Variants in LHFPL3 observed in about 807,000 individuals in gnomAD.
LHFPL3 encodes the protein LHFPL tetraspan subfamily member 3 protein.
In LHFPL3, 5 loss-of-function variants were observed where a neutral mutation model predicts 19.3. The ratio of observed to expected loss-of-function variants is 0.26; its 90% CI spans 0.14 to 0.54. LHFPL3 has a LOEUF of 0.54. LHFPL3 is among the 20% of genes least tolerant of loss of function. The probability of loss-of-function intolerance (pLI) is 0.94; values close to 1 mark genes in which losing one functional copy is unlikely to be tolerated. For missense variants in LHFPL3, 249 were observed against 307.4 expected (o/e 0.81, Z 1.42); for synonymous variants, 133 against 126.2 (o/e 1.05, Z -0.36).
chr7:104,413,893 G>A (rs566343774), intron 1 of LHFPL3, among the ~76,000 whole-genome samples: 7 of 152,244 alleles, frequency 4.6e-5, no homozygotes, highest in African/African-American at 7.2e-5. Context: ...GTTTTTGCCA[G>A]GAACTCTTTT....
chr7:104,623,022 C>G (rs1231800381), intron 1 of LHFPL3: 5 of 378,104 alleles, frequency 1.3e-5, no homozygotes, highest in African/African-American at 1.0e-4. Context: ...TTGCATTTCC[C>G]TGATGGCTAA....
At chr7:104,550,324 T>G (rs1794643167) in intron 1 of LHFPL3, among the ~76,000 whole-genome samples, 11 of 151,874 alleles carry the variant, frequency 7.2e-5, no homozygotes, top group Admixed American at 7.2e-4. Context: ...CACATAAAGT[T>G]AACCATCACA....
chr7:104,633,816 C>G (rs185036768), intron 1 of LHFPL3, among the ~76,000 whole-genome samples: 10 of 152,306 alleles, frequency 6.6e-5, no homozygotes, highest in Admixed American at 5.2e-4. Flanking sequence ...AAAGTAACTA[C>G]TAACGTTGCC....
chr7:104,725,654 G>C (rs900201760), intron 1 of LHFPL3, among the ~76,000 whole-genome samples: 5 of 152,126 alleles, frequency 3.3e-5, no homozygotes, highest in African/African-American at 1.2e-4. Flanking sequence ...GTTATCACTA[G>C]ACAATGCCTT....
At chr7:104,833,357 TAATAGG>T (rs1392133166) in intron 2 of LHFPL3, among the ~76,000 whole-genome samples, 101 of 6,118 alleles carry the variant, frequency 0.017, no homozygotes, top group South Asian at 0.02. Flanking sequence ...ATTATATATA[TAATAGG>T]ATATATATAT....
At chr7:104,634,831 T>C (rs369742150) in intron 1 of LHFPL3, among the ~76,000 whole-genome samples, 1 of 152,128 alleles carries the variant, frequency 6.6e-6, no homozygotes, top group Admixed American at 6.5e-5. Context: ...ACTTCAATCA[T>C]TGGTGTCTCA....
In LHFPL3 at chr7:104,877,498, G is replaced by A. The variant is rs370962323; in HGVS notation, c.683-28689G>A. 6.3e-4 allele frequency among the ~76,000 whole-genome samples: 96 copies of A among 152,192 alleles called. 2 individuals carry two copies. The highest frequency in any genetic ancestry group is 2.2e-3 in the African/African-American group (92 of 41,510). On this transcript the variant is annotated intron_variant, in intron 2 of 2. Coordinates refer to ENST00000424859, the MANE Select transcript of LHFPL3 (RefSeq NM_199000.3). ...AATGATATAAAAAATATATACAGAT[G>A]TCCAATAAATACATGAAAAGATACT...
At chr7:104,436,743 A>G (rs184550439) in intron 1 of LHFPL3, among the ~76,000 whole-genome samples, 26 of 152,272 alleles carry the variant, frequency 1.7e-4, no homozygotes, top group Admixed American at 9.8e-4. Flanking sequence ...TGCATTATTT[A>G]CTCAAAGGAT....
chr7:104,717,881 A>T (rs1322352019), intron 1 of LHFPL3, among the ~76,000 whole-genome samples: 2 of 152,234 alleles, frequency 1.3e-5, no homozygotes, highest in East Asian at 3.8e-4. Context: ...TATTCACAAT[A>T]ACCAAGGTAG....
intron 1 of LHFPL3, among the ~76,000 whole-genome samples, chr7:104,591,371 T>C (rs969929252): frequency 1.3e-5 from 2 of 152,234 alleles, no homozygotes; most frequent in African/African-American, 4.8e-5. Flanking sequence ...CCTTCACTTA[T>C]GAAGCTTAGT....
At chr7:104,448,408 C>CTAT in intron 1 of LHFPL3, among the ~76,000 whole-genome samples, 1 of 152,130 alleles carries the variant, frequency 6.6e-6, no homozygotes, top group South Asian at 2.1e-4. Context: ...TATAATTACC[C>CTAT]AGTTTTGGTA....
chr7:104,462,052 G>A (rs1253064954), intron 1 of LHFPL3, among the ~76,000 whole-genome samples: 1 of 152,134 alleles, frequency 6.6e-6, no homozygotes, highest in Non-Finnish European at 1.5e-5. Flanking sequence ...TTAGCTGTTG[G>A]TGGTATATAA....
At chr7:104,824,434 A>ATTATAGATAATATATAATTATATAATT (rs1790765535) in intron 2 of LHFPL3, among the ~76,000 whole-genome samples, 1 of 57,112 alleles carries the variant, frequency 1.8e-5, no homozygotes, top group African/African-American at 7.3e-5. Context: ...AATATATATA[A>ATTATAGATAATATATAATTATATAATT]TTATAGATAA....
At chr7:104,505,252 GA>G (rs1328262537) in intron 1 of LHFPL3, among the ~76,000 whole-genome samples, 3 of 152,164 alleles carry the variant, frequency 2.0e-5, no homozygotes, top group Non-Finnish European at 2.9e-5. Flanking sequence ...CTAACTCCAT[GA>G]TTATATTCAA....
intron 2 of LHFPL3, among the ~76,000 whole-genome samples, chr7:104,808,410 C>A (rs899189467): frequency 1.3e-5 from 2 of 152,196 alleles, no homozygotes; most frequent in African/African-American, 4.8e-5. Context: ...TAGAAACTGT[C>A]AGGGCTGGGA....
At chr7:104,371,657 T>A (rs979708144) in intron 1 of LHFPL3, among the ~76,000 whole-genome samples, 14 of 151,998 alleles carry the variant, frequency 9.2e-5, no homozygotes, top group South Asian at 2.1e-4. Flanking sequence ...CTTTTTTTTT[T>A]TATATGAGTC....
At chr7:104,884,775 C>T (rs907415361) in intron 2 of LHFPL3, among the ~76,000 whole-genome samples, 1 of 152,156 alleles carries the variant, frequency 6.6e-6, no homozygotes, top group African/African-American at 2.4e-5. Context: ...AATGACCTTA[C>T]CTCTGACCCA....
intron 1 of LHFPL3, among the ~76,000 whole-genome samples, chr7:104,396,934 C>T (rs1791202002): frequency 2.0e-5 from 3 of 152,126 alleles, no homozygotes; most frequent in African/African-American, 4.8e-5. Flanking sequence ...CGCAACATTG[C>T]ACTCCAGCCT....
chr7:104,443,753 G>A (rs774888864), intron 1 of LHFPL3, among the ~76,000 whole-genome samples: 1 of 152,208 alleles, frequency 6.6e-6, no homozygotes, highest in South Asian at 2.1e-4. Flanking sequence ...TGCAGATGCT[G>A]ATGCATCCTC....
Sources: allele counts gnomAD v4.1 joint callset (sites outside exome capture counted in the v4.1 genomes callset), GRCh38; gene constraint gnomAD v4.1.1; transcripts MANE v1.5; gene names NCBI Gene and HGNC (gene_info 2026-07-23, HGNC 2026-07-21).